ATP2A3: variants seen among roughly 807,000 people sequenced by gnomAD.
The protein encoded by ATP2A3 is sarcoplasmic/endoplasmic reticulum calcium ATPase 3.
Under a neutral mutation model 106.8 loss-of-function variants are expected in ATP2A3, and 61 were observed. The observed-to-expected ratio is 0.57, with a 90% CI of 0.46 to 0.71. ATP2A3 has a LOEUF of 0.71. ATP2A3 is among the 30% of genes least tolerant of loss of function. ATP2A3 has a pLI of 0.00. For synonymous variants in ATP2A3, 611 were observed against 609.3 expected (o/e 1.00, Z -0.04); for missense variants, 1,201 against 1,423.5 (o/e 0.84, Z 2.52).
rs567016329 is a variant in ATP2A3, at chr17:3,925,529, T to C, written c.2981-88A>G. The stretch of plus-strand genomic sequence containing the variant: ...CCTTCCAGCCCCTTCCATCCTCCAC[T>C]TCTCCCAGGACAGCCCCAGGCTCCC... On this transcript the variant is annotated intron_variant, in intron 20 of 20. Coordinates refer to ENST00000397041, the MANE Select transcript of ATP2A3 (RefSeq NM_005173.4). The surrounding 1 kb of genome is among the most constrained non-coding windows in gnomAD (Gnocchi z 4.2). The C allele has an allele frequency of 3.3e-6, 5 of 1,502,350 alleles. No individual in the cohort carries two copies. The South Asian group carries it at 6.0e-5, about 18-fold the overall frequency. The allele number at this position is 1,502,350 out of a possible 1,614,324, so 93.1% of individuals were successfully genotyped here.
At position 3,936,572 on chromosome 17, in the gene ATP2A3, GT is replaced by G. The variant is rs1266903067; in HGVS notation, c.2322-104del. ...AAGGCTGGGAGCTCACCCACCCACT[GT>G]CTCCACAGCAGCCCCTCCTCCCTCC... is the stretch of plus-strand genomic sequence containing the variant. On this transcript the variant is annotated intron_variant, in intron 15 of 20. Transcript: ENST00000397041. This position sits in a 1 kb window ranked among gnomAD's most constrained non-coding sequence, Gnocchi z 5.4. 22 of 1,249,090 alleles carry G rather than the reference GT, an allele frequency of 1.8e-5. No homozygotes were observed. In the East Asian group the frequency reaches 5.0e-4, roughly 29 times the overall value. The allele number at this position is 1,249,090 out of a possible 1,614,324, so 77.4% of individuals were successfully genotyped here. A position where few individuals can be genotyped will look rare whatever the true frequency, so the allele number is the denominator to read the frequency against.
chr17:3,949,003 T>C (rs2054269271), intron 7 of ATP2A3, among the ~76,000 whole-genome samples: 1 of 151,764 alleles, frequency 6.6e-6, no homozygotes, highest in Non-Finnish European at 1.5e-5. Flanking sequence ...TGGTGTGTGC[T>C]TGTAATCCCA....
chr17:3,948,171 C>T (rs1439850669), intron 7 of ATP2A3, among the ~76,000 whole-genome samples: 2 of 152,192 alleles, frequency 1.3e-5, no homozygotes, highest in Non-Finnish European at 2.9e-5. Flanking sequence ...AGCATCAACC[C>T]CACAAAATGT....
rs2052619949 is a variant in ATP2A3, at chr17:3,924,868, G to C, written c.*554C>G. The stretch of plus-strand genomic sequence containing the variant: ...GACTTTGTGGAAGCAGAGTGGAGTG[G>C]AGGGGGCTGCCCACCCTCGCTGTAC... On this transcript the variant is annotated 3_prime_UTR_variant, in exon 21 of 21. Transcript: ENST00000397041. This position sits in a 1 kb window ranked among gnomAD's most constrained non-coding sequence, Gnocchi z 6.4. 6.6e-6 allele frequency: 3 copies of C among 456,876 alleles called. No homozygotes were observed. The highest frequency in any genetic ancestry group is 6.5e-4 in the Middle Eastern group (2 of 3,098). 28.3% of individuals were successfully genotyped at this position (456,876 alleles called of 1,614,324 possible). A position where few individuals can be genotyped will look rare whatever the true frequency, so the allele number is the denominator to read the frequency against.
At chr17:3,937,164 G>T in intron 15 of ATP2A3, 1 of 551,310 alleles carries the variant, frequency 1.8e-6, no homozygotes, top group South Asian at 2.0e-5. Context: ...ATGGCTGGAG[G>T]GCTGACAGGC....
At position 3,947,779 on chromosome 17, in the gene ATP2A3, C is replaced by T. The variant is rs139784869; in HGVS notation, c.707G>A (p.Arg236Gln). 9 of 1,602,736 alleles carry T rather than the reference C, an allele frequency of 5.6e-6. No individual in the cohort carries two copies. Among genetic ancestry groups the T allele is most frequent in the South Asian group, 1.1e-5 (1 of 91,072 alleles). Residue 236 changes from arginine (R) to glutamine (Q), a missense_variant, in exon 8 of 21, where the codon CGG (arginine) becomes CAG (glutamine). Transcript: ENST00000397041. The surrounding 1 kb of genome is among the most constrained non-coding windows in gnomAD (Gnocchi z 7.7). ...GGGCTCGACTGCCGCCATCTGGCTCCGGATCTTGCCCAGCTCCGTGTGCAG... is the reference window on the plus strand; with the variant it reads ...GGGCTCGACTGCCGCCATCTGGCTCTGGATCTTGCCCAGCTCCGTGTGCAG... ...TGLHTELGKI[R>Q]SQMAAVEPER...
chr17:3,932,129 C>A (rs1597578358), intron 17 of ATP2A3, among the ~76,000 whole-genome samples: 2 of 133,030 alleles, frequency 1.5e-5, no homozygotes, highest in Non-Finnish European at 3.2e-5. Context: ...GTCTTGTTTT[C>A]TTTTTATTTT....
chr17:3,961,874 G>A (rs1265292633), intron 1 of ATP2A3, among the ~76,000 whole-genome samples: 4 of 152,182 alleles, frequency 2.6e-5, no homozygotes, highest in Admixed American at 2.0e-4. Flanking sequence ...CAAAGAGGCT[G>A]GTCCAGCATT....
rs563190668 is a variant in ATP2A3, at chr17:3,951,116, T to C, written c.463+135A>G. The C allele has an allele frequency of 1.4e-5, 13 of 926,016 alleles. No individual in the cohort carries two copies. The South Asian group carries it at 3.8e-4, about 27-fold the overall frequency. The allele number at this position is 926,016 out of a possible 1,614,324, so 57.4% of individuals were successfully genotyped here. ...GAACCCGGGAGGCAGGAGGTTGCAG[T>C]GAGCCGAGATTGCGCCACTGCACTC... On this transcript the variant is annotated intron_variant, in intron 5 of 20. Transcript: ENST00000397041.
At position 3,950,685 on chromosome 17, in the gene ATP2A3, G is replaced by A. The variant is rs1482675435; in HGVS notation, c.544+8C>T. ...CACTAGGTCCCGGCCTCCTGGGGGGGGCCTCACCCGTCAGGATGGACTGGT... is the reference window on the plus strand; with the variant it reads ...CACTAGGTCCCGGCCTCCTGGGGGGAGCCTCACCCGTCAGGATGGACTGGT... On this transcript the variant is annotated splice_region_variant and intron_variant, in intron 6 of 20. Transcript: ENST00000397041. 2 of 1,613,760 alleles carry A rather than the reference G, an allele frequency of 1.2e-6. No individual in the cohort carries two copies. The highest frequency in any genetic ancestry group is 1.1e-5 in the South Asian group (1 of 91,066).
intron 5 of ATP2A3, 117 bp from the exon 6 acceptor site, chr17:3,950,890 C>G (rs761324633): frequency 9.7e-7 from 1 of 1,027,556 alleles, no homozygotes; most frequent in Non-Finnish European, 1.5e-6. Context: ...GAGCTGTGAT[C>G]GCTCTGGTGA....
intron 5 of ATP2A3, 72 bp downstream of exon 5, chr17:3,951,179 T>TAAATAAATAAATAAATA: frequency 9.0e-7 from 1 of 1,108,810 alleles, no homozygotes; most frequent in Non-Finnish European, 1.1e-6. Context: ...TCTCAAAAAA[T>TAAATAAATAAATAAATA]AAATAAATAA....
intron 1 of ATP2A3, among the ~76,000 whole-genome samples, chr17:3,963,680 G>T (rs1185011462): frequency 6.6e-6 from 1 of 152,178 alleles, no homozygotes; most frequent in Admixed American, 6.5e-5. Context: ...TGGGGGTGGG[G>T]GCCCCAAGGC....
chr17:3,943,581 A>C, intron 10 of ATP2A3, 59 bp from the exon 11 acceptor site: 1 of 1,608,102 alleles, frequency 6.2e-7, no homozygotes. Context: ...CCGCATCCCC[A>C]GCCTCACTCA....
At chr17:3,935,641 G>A (rs956661267) in intron 16 of ATP2A3, among the ~76,000 whole-genome samples, 4 of 151,268 alleles carry the variant, frequency 2.6e-5, no homozygotes, top group Non-Finnish European at 5.9e-5. Flanking sequence ...GGGTTCAAGC[G>A]ATTCTCCTGC....
chr17:3,943,568 A>G, intron 10 of ATP2A3, 46 bp from the exon 11 acceptor site: 1 of 1,612,356 alleles, frequency 6.2e-7, no homozygotes, highest in South Asian at 1.1e-5. Flanking sequence ...GGCAGCCTCC[A>G]GCCCGCATCC....
At position 3,923,890 on chromosome 17, in the gene ATP2A3, C is replaced by A. The variant is rs1260903722; in HGVS notation, c.*1532G>T. On this transcript the variant is annotated 3_prime_UTR_variant, in exon 21 of 21. Coordinates refer to ENST00000397041, the MANE Select transcript of ATP2A3 (RefSeq NM_005173.4). ...ATCCTCCGTTCCCCCAGTCACACAA[C>A]CTTTATTTCTCTACCAAACAGCAGG... is the stretch of plus-strand genomic sequence containing the variant. 1 of 152,290 alleles carries A rather than the reference C, an allele frequency of 6.6e-6. No individual in the cohort carries two copies. Among genetic ancestry groups the A allele is most frequent in the African/African-American group, 2.4e-5 (1 of 41,434 alleles). 9.4% of individuals were successfully genotyped at this position (152,290 alleles called of 1,614,324 possible). A position where few individuals can be genotyped will look rare whatever the true frequency, so the allele number is the denominator to read the frequency against.
intron 1 of ATP2A3, 129 bp downstream of exon 1, chr17:3,964,045 G>T: frequency 2.6e-6 from 1 of 382,270 alleles, no homozygotes; most frequent in Non-Finnish European, 3.8e-6. Flanking sequence ...TGCCCCAGGA[G>T]CATCCGAAGA....
Position 3,926,536 on chromosome 17 carries a change from C to G in ATP2A3, c.2981-1095G>C, listed in dbSNP as rs190379646. On this transcript the variant is annotated intron_variant, in intron 20 of 20. Coordinates refer to ENST00000397041, the MANE Select transcript of ATP2A3 (RefSeq NM_005173.4). The surrounding 1 kb of genome is among the most constrained non-coding windows in gnomAD (Gnocchi z 4.6). Reference sequence around the variant, plus strand: ...AGCTCCCCAGATCTGTTCAATGCCGCTCGCCCACCTCCTGGTGTTAGTCTC... The same window carrying G: ...AGCTCCCCAGATCTGTTCAATGCCGGTCGCCCACCTCCTGGTGTTAGTCTC... Among the ~76,000 whole-genome samples the G allele has an allele frequency of 6.6e-6, 1 of 152,156 alleles. No individual in the cohort carries two copies. Among genetic ancestry groups the G allele is most frequent in the Non-Finnish European group, 1.5e-5 (1 of 68,026 alleles).
Sources: gnomAD v4.1 joint callset for allele counts (sites outside exome capture counted in the v4.1 genomes callset) on GRCh38, gnomAD v4.1.1 for gene constraint, Gnocchi (gnomAD v3.1) non-coding constraint, MANE v1.5 for transcripts, NCBI Gene and HGNC (gene_info 2026-07-23, HGNC 2026-07-21) for gene names.